The following CD247 variants were observed in gnomAD, a reference collection of about 807,000 sequenced individuals.
The protein encoded by CD247 is T-cell surface glycoprotein CD3 zeta chain.
In CD247, 13 loss-of-function variants were observed where a neutral mutation model predicts 30.0. The ratio of observed to expected loss-of-function variants is 0.43; its 90% CI spans 0.28 to 0.69. CD247 has a LOEUF of 0.69. CD247 is among the 30% of genes least tolerant of loss of function. The pLI, the probability that CD247 is intolerant of heterozygous loss-of-function variation, is 0.16. For missense variants in CD247, 193 were observed against 212.6 expected, an observed-to-expected ratio of 0.91 and a Z score of 0.57; for synonymous variants, 72 against 80.0, an observed-to-expected ratio of 0.90 and a Z score of 0.53.
intron 1 of CD247, among the ~76,000 whole-genome samples, chr1:167,485,937 A>G (rs1654188973): frequency 1.3e-5 from 2 of 152,134 alleles, no homozygotes; most frequent in Admixed American, 6.5e-5. Context: ...ATTAACTGAA[A>G]GAAAACGACT....
chr1:167,492,755 A>G (rs1654506868), intron 1 of CD247, among the ~76,000 whole-genome samples: 1 of 152,154 alleles, frequency 6.6e-6, no homozygotes, highest in South Asian at 2.1e-4. Flanking sequence ...CTACCAGGGT[A>G]GGTGTGTGGG....
In CD247 at chr1:167,494,039, G is replaced by A. The variant is rs1028190180; in HGVS notation, c.58+24369C>T. ...TTCTTCTCAGGGCTCTGCTGAGTTG[G>A]GTGGGGGAGGCTGGAGGCTGCAAAA... On this transcript the variant is annotated intron_variant, in intron 1 of 7. Coordinates refer to ENST00000362089, the MANE Select transcript of CD247 (RefSeq NM_198053.3). This position sits in a 1 kb window ranked among gnomAD's most constrained non-coding sequence, Gnocchi z 7.3. Among the ~76,000 whole-genome samples the A allele has an allele frequency of 6.6e-6, 1 of 151,768 alleles. No homozygotes were observed. The highest frequency in any genetic ancestry group is 2.4e-5 in the African/African-American group (1 of 41,074).
intron 1 of CD247, among the ~76,000 whole-genome samples, chr1:167,491,033 T>C (rs568841336): frequency 6.6e-6 from 1 of 152,266 alleles, no homozygotes; most frequent in South Asian, 2.1e-4. Flanking sequence ...TGTTAATTTG[T>C]CACATTTAAA....
intron 1 of CD247, among the ~76,000 whole-genome samples, chr1:167,454,952 T>A (rs536328248): frequency 6.6e-6 from 1 of 152,282 alleles, no homozygotes; most frequent in Non-Finnish European, 1.5e-5. Flanking sequence ...CCCCCGCAGC[T>A]TCCCCGGAAG....
intron 1 of CD247, among the ~76,000 whole-genome samples, chr1:167,474,700 G>A (rs986855770): frequency 1.3e-5 from 2 of 149,564 alleles, no homozygotes; most frequent in African/African-American, 2.4e-5. Flanking sequence ...ACTGGCCAAC[G>A]ATGGAACAAC....
Position 167,431,073 on chromosome 1 carries a change from G to T in CD247, c.*608C>A. 2.4e-6 allele frequency: 1 copy of T among 422,962 alleles called. No homozygotes were observed. The highest frequency in any genetic ancestry group is 4.2e-6 in the Non-Finnish European group (1 of 239,554). 26.2% of individuals were successfully genotyped at this position (422,962 alleles called of 1,614,324 possible). A position where few individuals can be genotyped will look rare whatever the true frequency, so the allele number is the denominator to read the frequency against. ...AGAGGCCTGAGGCAGGGAGGCTCCC[G>T]CTGCCCTCGCAGGCCCTGGCTGACC... On this transcript the variant is annotated 3_prime_UTR_variant, in exon 8 of 8. Transcript: ENST00000362089.
chr1:167,512,264 A>T (rs1655417325), intron 1 of CD247, among the ~76,000 whole-genome samples: 1 of 152,090 alleles, frequency 6.6e-6, no homozygotes, highest in South Asian at 2.1e-4. Flanking sequence ...TTGTCCTTGG[A>T]TTTTTCACAG....
intron 1 of CD247, among the ~76,000 whole-genome samples, chr1:167,442,800 G>T (rs1425851445): frequency 6.6e-6 from 1 of 152,012 alleles, no homozygotes; most frequent in Non-Finnish European, 1.5e-5. Flanking sequence ...TTGCCCCCAG[G>T]CAGCTGATCT....
In CD247 at chr1:167,506,286, TCTTTTTTC is replaced by T. The variant is rs1314669882; in HGVS notation, c.58+12114_58+12121del. Among the ~76,000 whole-genome samples the T allele has an allele frequency of 6.5e-3, 96 of 14,724 alleles. 2 individuals carry two copies. The highest frequency in any genetic ancestry group is 0.034 in the African/African-American group (86 of 2,514). The allele number at this position is 14,724 out of a possible 152,430, so 9.7% of individuals were successfully genotyped here. A position where few individuals can be genotyped will look rare whatever the true frequency, so the allele number is the denominator to read the frequency against. ...CTTTTCTTTTCCTTTTCTTTTCTTT[TCTTTTTTC>T]TTTTCTTTTCCTTTCCTTTCTTTTC... On this transcript the variant is annotated intron_variant, in intron 1 of 7. Coordinates refer to ENST00000362089, the MANE Select transcript of CD247 (RefSeq NM_198053.3).
At position 167,457,936 on chromosome 1, in the gene CD247, T is replaced by C. The variant is rs753187170; in HGVS notation, c.59-17169A>G. On this transcript the variant is annotated intron_variant, in intron 1 of 7. Transcript: ENST00000362089. ...ATTGCTCAGATAATTGAGAGAATGA[T>C]TGATTGATTAGTGGTCATTAATGCC... 2.0e-5 allele frequency among the ~76,000 whole-genome samples: 3 copies of C among 152,162 alleles called. No individual in the cohort carries two copies. The East Asian group carries it at 5.8e-4, about 29-fold the overall frequency.
In CD247 at chr1:167,430,872, G is replaced by A. The variant is rs533256201; in HGVS notation, c.*809C>T. 8.5e-5 allele frequency: 34 copies of A among 398,830 alleles called. No individual in the cohort carries two copies. The South Asian group carries it at 4.2e-3, about 49-fold the overall frequency. The allele number at this position is 398,830 out of a possible 1,614,324, so 24.7% of individuals were successfully genotyped here. ...CTTCCTGCGAGGCCTTCACAAAGAT[G>A]ATTTTGTCATTCGCTGAAAGCGTGA... On this transcript the variant is annotated 3_prime_UTR_variant, in exon 8 of 8. Coordinates refer to ENST00000362089, the MANE Select transcript of CD247 (RefSeq NM_198053.3).
At chr1:167,435,349 A>G in intron 5 of CD247, 50 bp downstream of exon 5, 1 of 1,421,416 alleles carries the variant, frequency 7.0e-7, no homozygotes, top group Non-Finnish European at 9.9e-7. Flanking sequence ...GCCCTCCTCC[A>G]GCCCTTCCTC....
intron 1 of CD247, chr1:167,448,339 T>G (rs1274600073): frequency 2.0e-6 from 2 of 984,912 alleles, no homozygotes; most frequent in Non-Finnish European, 2.4e-6. Flanking sequence ...CACTTGGTAC[T>G]GACCTTCAAA....
chr1:167,489,951 A>G (rs1490192768), intron 1 of CD247, among the ~76,000 whole-genome samples: 3 of 152,182 alleles, frequency 2.0e-5, no homozygotes, highest in Non-Finnish European at 2.9e-5. Flanking sequence ...AGCCAGGCCC[A>G]GGGAGGAAGC....
chr1:167,446,324 G>A (rs983703416), intron 1 of CD247, among the ~76,000 whole-genome samples: 2 of 152,148 alleles, frequency 1.3e-5, no homozygotes, highest in South Asian at 4.2e-4. Flanking sequence ...CTCCTCACCC[G>A]CACATCACAG....
intron 1 of CD247, among the ~76,000 whole-genome samples, chr1:167,468,150 A>G (rs1025015951): frequency 1.3e-5 from 2 of 152,152 alleles, no homozygotes; most frequent in African/African-American, 4.8e-5. Context: ...GTGATACCCA[A>G]TGAGAAAAGA....
At chr1:167,503,253 A>G (rs1202633902) in intron 1 of CD247, among the ~76,000 whole-genome samples, 3 of 152,098 alleles carry the variant, frequency 2.0e-5, no homozygotes, top group African/African-American at 7.2e-5. Flanking sequence ...CATGCCCTGA[A>G]TTGCAAAGTT....
At chr1:167,479,111 A>G (rs1653866684) in intron 1 of CD247, among the ~76,000 whole-genome samples, 1 of 152,234 alleles carries the variant, frequency 6.6e-6, no homozygotes, top group Non-Finnish European at 1.5e-5. Flanking sequence ...CTGTTACTAA[A>G]AGTATTCAAA....
chr1:167,450,923 A>T (rs541697761), intron 1 of CD247, among the ~76,000 whole-genome samples: 1 of 151,204 alleles, frequency 6.6e-6, no homozygotes, highest in Non-Finnish European at 1.5e-5. Context: ...AAAAAAAAAA[A>T]AAAAGAAAAG....
Sources: gnomAD v4.1 joint callset for allele counts (sites outside exome capture counted in the v4.1 genomes callset) on GRCh38, gnomAD v4.1.1 for gene constraint, Gnocchi (gnomAD v3.1) non-coding constraint, MANE v1.5 for transcripts, NCBI Gene and HGNC (gene_info 2026-07-23, HGNC 2026-07-21) for gene names.